C1QTNF3: variants seen among roughly 807,000 people sequenced by gnomAD.
C1QTNF3 encodes C1q and TNF related 3.
C1QTNF3 carries 26 observed loss-of-function variants against 32.6 expected under a neutral mutation model. That is an observed-to-expected ratio of 0.80 (90% confidence interval 0.58 to 1.11). The LOEUF is 1.11. C1QTNF3 is among the 50% of genes least tolerant of loss of function. C1QTNF3 has a pLI of 0.00. For synonymous variants in C1QTNF3, 155 were observed against 146.0 expected (o/e 1.06, Z -0.44); for missense variants, 362 against 398.2 (o/e 0.91, Z 0.77).
the C1QTNF3 span, among the ~76,000 whole-genome samples, chr5:34,132,881 A>T: frequency 6.6e-6 from 1 of 152,330 alleles, no homozygotes; most frequent in South Asian, 2.1e-4. Context: ...CAAGGGGCTG[A>T]GAATCATAAT....
At chr5:34,026,111 C>A (rs1754452018) in intron 4 of C1QTNF3, among the ~76,000 whole-genome samples, 1 of 152,106 alleles carries the variant, frequency 6.6e-6, no homozygotes, top group Non-Finnish European at 1.5e-5. Context: ...AAAACAAAAA[C>A]CAAATAAATA....
chr5:34,224,935 T>C, the C1QTNF3 span, among the ~76,000 whole-genome samples: 5 of 152,034 alleles, frequency 3.3e-5, no homozygotes, highest in East Asian at 7.7e-4. Flanking sequence ...GAATCTACAA[T>C]GAACTCAAAC....
the C1QTNF3 span, chr5:34,124,496 G>C: frequency 1.4e-6 from 1 of 713,844 alleles, no homozygotes; most frequent in Non-Finnish European, 2.6e-6. Context: ...GATGAGACCA[G>C]GAGCAAGAGA....
the C1QTNF3 span, among the ~76,000 whole-genome samples, chr5:34,230,443 T>C: frequency 2.6e-5 from 4 of 152,170 alleles, no homozygotes; most frequent in Non-Finnish European, 2.9e-5. Context: ...GTCAATGATA[T>C]GCCCCAGGGT....
the C1QTNF3 span, among the ~76,000 whole-genome samples, chr5:34,117,956 A>G: frequency 1.3e-5 from 2 of 152,188 alleles, no homozygotes; most frequent in African/African-American, 4.8e-5. Flanking sequence ...CAACTATGAA[A>G]AAAGAGTAGA....
the C1QTNF3 span, among the ~76,000 whole-genome samples, chr5:34,161,859 A>T: frequency 3.8e-4 from 58 of 152,316 alleles, no homozygotes; most frequent in African/African-American, 1.4e-3. Flanking sequence ...TGAATTGCTA[A>T]TTAAAAATAA....
chr5:34,139,422 C>G, the C1QTNF3 span, among the ~76,000 whole-genome samples: 1 of 152,066 alleles, frequency 6.6e-6, no homozygotes, highest in Admixed American at 6.5e-5. Flanking sequence ...CCTCCCTTCT[C>G]AAAATTAGTA....
the C1QTNF3 span, among the ~76,000 whole-genome samples, chr5:34,154,013 CT>C: frequency 7.1e-6 from 1 of 141,012 alleles, no homozygotes; most frequent in Non-Finnish European, 1.5e-5. Context: ...TTGAATTATA[CT>C]TTATTAAACC....
At chr5:34,128,386 C>T in the C1QTNF3 span, among the ~76,000 whole-genome samples, 3 of 152,236 alleles carry the variant, frequency 2.0e-5, no homozygotes, top group Non-Finnish European at 2.9e-5. Flanking sequence ...CACAGAGTTC[C>T]CACTGGGGCA....
the C1QTNF3 span, among the ~76,000 whole-genome samples, chr5:34,141,900 C>T: frequency 2.6e-5 from 4 of 152,028 alleles, no homozygotes; most frequent in Non-Finnish European, 5.9e-5. Context: ...GAGAATGGAG[C>T]CACCAGCCAG....
the C1QTNF3 span, among the ~76,000 whole-genome samples, chr5:34,129,255 AGT>A: frequency 6.6e-6 from 1 of 152,160 alleles, no homozygotes. Context: ...CAAATTACCC[AGT>A]CTCAGGTAGT....
chr5:34,139,677 T>C, the C1QTNF3 span, among the ~76,000 whole-genome samples: 2 of 152,112 alleles, frequency 1.3e-5, no homozygotes, highest in Admixed American at 1.3e-4. Flanking sequence ...ATAGAACTAA[T>C]CTCATTAAGT....
the C1QTNF3 span, among the ~76,000 whole-genome samples, chr5:34,148,062 G>T: frequency 6.6e-6 from 1 of 151,802 alleles, no homozygotes; most frequent in South Asian, 2.1e-4. Flanking sequence ...AGGGGTCAGG[G>T]AGTTCCCTTT....
intron 4 of C1QTNF3, among the ~76,000 whole-genome samples, chr5:34,025,301 A>C (rs1754432971): frequency 6.6e-6 from 1 of 152,236 alleles, no homozygotes; most frequent in Non-Finnish European, 1.5e-5. Context: ...TGCCTCAAGA[A>C]GATAAAGCTG....
chr5:34,109,428 T>C, the C1QTNF3 span, among the ~76,000 whole-genome samples: 1 of 152,140 alleles, frequency 6.6e-6, no homozygotes, highest in Non-Finnish European at 1.5e-5. Context: ...GACTCTGCTA[T>C]ATGGTGGGAA....
At chr5:34,209,453 GAAATA>G in the C1QTNF3 span, among the ~76,000 whole-genome samples, 2 of 150,276 alleles carry the variant, frequency 1.3e-5, no homozygotes, top group Non-Finnish European at 3.0e-5. Flanking sequence ...CATTTGTTTA[GAAATA>G]AAATAAATTT....
At chr5:34,215,392 G>C in the C1QTNF3 span, among the ~76,000 whole-genome samples, 2 of 152,144 alleles carry the variant, frequency 1.3e-5, no homozygotes, top group Non-Finnish European at 2.9e-5. Context: ...CAACAGAGCA[G>C]ACACTTGAAT....
chr5:34,083,543 T>G, the C1QTNF3 span, among the ~76,000 whole-genome samples: 1 of 150,648 alleles, frequency 6.6e-6, no homozygotes, highest in Non-Finnish European at 1.5e-5. Flanking sequence ...ATATGAAAAC[T>G]AGATGATTTC....
At chr5:34,031,793 C>T (rs2112110483) in intron 3 of C1QTNF3, among the ~76,000 whole-genome samples, 1 of 152,308 alleles carries the variant, frequency 6.6e-6, no homozygotes, top group Admixed American at 6.5e-5. Context: ...GATCACACCA[C>T]TGCACTCCAG....
Sources: gnomAD v4.1 joint callset for allele counts (sites outside exome capture counted in the v4.1 genomes callset) on GRCh38, gnomAD v4.1.1 for gene constraint, MANE v1.5 for transcripts, NCBI Gene and HGNC (gene_info 2026-07-23, HGNC 2026-07-21) for gene names.